The following MARCHF6 variants were observed in gnomAD, a reference collection of about 807,000 sequenced individuals.
MARCHF6 encodes membrane associated ring-CH-type finger 6.
Under a neutral mutation model 133.7 loss-of-function variants are expected in MARCHF6, and 31 were observed. The observed-to-expected ratio is 0.23, with a 90% CI of 0.17 to 0.31. The LOEUF is 0.31. Ranked by LOEUF, MARCHF6 falls within the 10% of genes least tolerant of loss-of-function variation. The pLI is 1.00. For missense variants in MARCHF6, 723 were observed against 1,121.6 expected (o/e 0.64, Z 5.08); for synonymous variants, 395 against 402.5 (o/e 0.98, Z 0.22).
In MARCHF6 at chr5:10,377,824, G is replaced by A; in HGVS notation, c.46G>A (p.Gly16Arg). The stretch of plus-strand genomic sequence containing the variant: ...CATATGTAGAGTGTGTCGGTCAGAA[G>A]GAACACCTGAGAAACCGCTTTATCA... ...EDICRVCRSE[G>R]TPEKPLYHPC... Residue 16 changes from glycine (G) to arginine (R), a missense_variant, in exon 2 of 26, where the codon GGA becomes AGA. Physicochemically the swap from Gly to Arg is moderately radical, Grantham distance 125. Transcript: ENST00000274140. 6.2e-7 allele frequency: 1 copy of A among 1,612,902 alleles called. No individual in the cohort carries two copies. The highest frequency in any genetic ancestry group is 8.5e-7 in the Non-Finnish European group (1 of 1,179,018).
intron 24 of MARCHF6, among the ~76,000 whole-genome samples, chr5:10,429,332 G>A (rs1740250407): frequency 6.6e-6 from 1 of 151,696 alleles, no homozygotes; most frequent in African/African-American, 2.4e-5. Context: ...AAACTGTGGT[G>A]CAGTAGAAAT....
chr5:10,408,022 A>G (rs1456120760), intron 17 of MARCHF6, among the ~76,000 whole-genome samples: 1 of 143,956 alleles, frequency 6.9e-6, no homozygotes, highest in Non-Finnish European at 1.5e-5. Flanking sequence ...CACTCATCCT[A>G]TATGCTCTTT....
At position 10,353,907 on chromosome 5, in the gene MARCHF6, C is replaced by T. The variant is rs1292320471; in HGVS notation, c.9C>T (p.Thr3=). 6 of 1,564,168 alleles carry T rather than the reference C, an allele frequency of 3.8e-6. No homozygotes were observed. The highest frequency in any genetic ancestry group is 1.2e-5 in the South Asian group (1 of 85,856). Residue 3 remains threonine (T), a synonymous_variant, in exon 1 of 26, where the codon ACC becomes ACT. Transcript: ENST00000274140. MD[T]AEEDICRVCR... ...CCGCCCCCCCAGACAAGATGGACACCGCGGAGGAAGGTAAGTCGGCGACGC... is the reference window on the plus strand; with the variant it reads ...CCGCCCCCCCAGACAAGATGGACACTGCGGAGGAAGGTAAGTCGGCGACGC...
At chr5:10,360,045 T>C (rs966351709) in intron 1 of MARCHF6, among the ~76,000 whole-genome samples, 3 of 152,182 alleles carry the variant, frequency 2.0e-5, no homozygotes, top group Admixed American at 1.3e-4. Context: ...ATCTACTGTT[T>C]ATGTTGTATT....
In MARCHF6 at chr5:10,433,900, A is replaced by G. The variant is rs1007298262; in HGVS notation, c.*216A>G. On this transcript the variant is annotated 3_prime_UTR_variant, in exon 26 of 26. Coordinates refer to ENST00000274140, the MANE Select transcript of MARCHF6 (RefSeq NM_005885.4). The stretch of plus-strand genomic sequence containing the variant: ...GTCTGAGATTTGTATATGTGTAAAT[A>G]CAAGTTCCTTGATACCCTAAAACCT... 1.1e-5 allele frequency: 6 copies of G among 542,072 alleles called. No individual in the cohort carries two copies. In the South Asian group the frequency reaches 1.3e-4, roughly 12 times the overall value. The allele number at this position is 542,072 out of a possible 1,614,324, so 33.6% of individuals were successfully genotyped here. A position where few individuals can be genotyped will look rare whatever the true frequency, so the allele number is the denominator to read the frequency against.
chr5:10,407,307 T>C (rs1738957074), intron 17 of MARCHF6, 105 bp downstream of exon 17: 1 of 478,700 alleles, frequency 2.1e-6, no homozygotes, highest in African/African-American at 2.0e-5. Flanking sequence ...TTACTGGAAA[T>C]CATCTGACAA....
At chr5:10,400,986 T>TA (rs1002397943) in intron 11 of MARCHF6, 144 bp downstream of exon 11, 55 of 615,532 alleles carry the variant, frequency 8.9e-5, no homozygotes, top group East Asian at 1.4e-4. Flanking sequence ...CATTCTTTTT[T>TA]AAAAAAAATA....
chr5:10,412,289 C>T lies in MARCHF6; in HGVS notation c.1896+752C>T, dbSNP rs187377042. Among the ~76,000 whole-genome samples, 69 of 152,276 alleles carry T rather than the reference C, an allele frequency of 4.5e-4. 2 individuals are homozygous for T. The East Asian group carries it at 0.013, about 28-fold the overall frequency. On this transcript the variant is annotated intron_variant, in intron 19 of 25. Transcript: ENST00000274140. ...TGAGGATATAGAGAGCATACGTGGT[C>T]TTTGCTCAGAAAGAGCTTACAGTCT...
At chr5:10,390,904 T>C (rs973112485) in intron 6 of MARCHF6, among the ~76,000 whole-genome samples, 4 of 152,228 alleles carry the variant, frequency 2.6e-5, no homozygotes, top group East Asian at 3.8e-4. Context: ...TAAAAAGGAC[T>C]ACAGAATGTT....
At chr5:10,365,426 G>C (rs970612242) in intron 1 of MARCHF6, among the ~76,000 whole-genome samples, 1 of 151,936 alleles carries the variant, frequency 6.6e-6, no homozygotes, top group African/African-American at 2.4e-5. Context: ...TCAGCCTCCC[G>C]AGTAGCTGGG....
chr5:10,415,002 C>T (rs551592144), intron 20 of MARCHF6, among the ~76,000 whole-genome samples: 2 of 152,052 alleles, frequency 1.3e-5, no homozygotes, highest in African/African-American at 4.8e-5. Context: ...GTTATTTTGC[C>T]CACTCCTTAT....
At chr5:10,358,421 G>T (rs572376116) in intron 1 of MARCHF6, among the ~76,000 whole-genome samples, 1 of 152,102 alleles carries the variant, frequency 6.6e-6, no homozygotes, top group Non-Finnish European at 1.5e-5. Context: ...TGTGGGTTTC[G>T]CATCTGTGGA....
At chr5:10,391,355 A>G (rs1273465387) in intron 6 of MARCHF6, among the ~76,000 whole-genome samples, 187 bp from the exon 7 acceptor site, 2 of 148,678 alleles carry the variant, frequency 1.3e-5, no homozygotes, top group African/African-American at 5.0e-5. Flanking sequence ...CTGGTCTTGA[A>G]CTCTTGAGCT....
intron 10 of MARCHF6, among the ~76,000 whole-genome samples, chr5:10,398,078 A>T (rs1199500469): frequency 6.6e-6 from 1 of 152,200 alleles, no homozygotes; most frequent in African/African-American, 2.4e-5. Flanking sequence ...GGTTATTGTT[A>T]GGTGTCCTAT....
In MARCHF6 at chr5:10,417,345, G is replaced by C; in HGVS notation, c.2224G>C (p.Val742Leu). ...PLLLGLLFEL[V>L]IVAPLRVPLD... is the part of the protein sequence containing the mutation. ...CCTTCTGGGGCTCCTGTTTGAGCTG[G>C]TCATTGTGGCTCCCCTGAGGGTTCC... is the stretch of plus-strand genomic sequence containing the variant. Residue 742 changes from valine to leucine, a missense_variant, in exon 22 of 26, where the codon GTC becomes CTC. Val to Leu is a conservative substitution (Grantham distance 32). Coordinates refer to ENST00000274140, the MANE Select transcript of MARCHF6 (RefSeq NM_005885.4). The C allele has an allele frequency of 6.2e-7, 1 of 1,614,154 alleles. No individual in the cohort carries two copies. Among genetic ancestry groups the C allele is most frequent in the Non-Finnish European group, 8.5e-7 (1 of 1,180,024 alleles).
chr5:10,380,389 A>G (rs1737061263), intron 3 of MARCHF6, among the ~76,000 whole-genome samples: 4 of 152,230 alleles, frequency 2.6e-5, no homozygotes, highest in Admixed American at 1.3e-4. Context: ...GTCAAGATTC[A>G]TAGGAAACTA....
At chr5:10,384,928 C>T (rs189074379) in intron 4 of MARCHF6, among the ~76,000 whole-genome samples, 7 of 152,198 alleles carry the variant, frequency 4.6e-5, no homozygotes, top group Admixed American at 3.3e-4. Context: ...ATTAATAGTA[C>T]TTAAAAACTG....
intron 2 of MARCHF6, 116 bp from the exon 3 acceptor site, chr5:10,378,643 T>A: frequency 1.5e-6 from 1 of 650,414 alleles, no homozygotes; most frequent in Non-Finnish European, 2.6e-6. Flanking sequence ...AATTTGAAAA[T>A]TTTGAAACTA....
intron 4 of MARCHF6, 148 bp downstream of exon 4, chr5:10,382,091 A>T (rs752115619): frequency 1.1e-6 from 1 of 882,386 alleles, no homozygotes; most frequent in Non-Finnish European, 1.7e-6. Flanking sequence ...TACTTAGAAG[A>T]TGTTCATCGG....
Sources: allele counts gnomAD v4.1 joint callset (sites outside exome capture counted in the v4.1 genomes callset), GRCh38; gene constraint gnomAD v4.1.1; transcripts MANE v1.5; gene names NCBI Gene and HGNC (gene_info 2026-07-23, HGNC 2026-07-21).